NOL4L: variants seen among roughly 807,000 people sequenced by gnomAD.
NOL4L encodes the protein nucleolar protein 4-like.
NOL4L carries 7 observed loss-of-function variants against 64.5 expected under a neutral mutation model. The ratio of observed to expected loss-of-function variants is 0.11; its 90% CI spans 0.06 to 0.20. NOL4L has a LOEUF of 0.20. NOL4L is among the 10% of genes least tolerant of loss of function. The probability of loss-of-function intolerance (pLI) is 1.00; values close to 1 mark genes in which losing one functional copy is unlikely to be tolerated. For missense variants in NOL4L, 680 were observed against 967.1 expected (o/e 0.70, Z 3.94); for synonymous variants, 413 against 401.0 (o/e 1.03, Z -0.36).
At chr20:32,555,226 G>A (rs542610840) in intron 1 of NOL4L, among the ~76,000 whole-genome samples, 18 of 152,048 alleles carry the variant, frequency 1.2e-4, no homozygotes, top group Non-Finnish European at 2.1e-4. Flanking sequence ...TGTCTGTTAC[G>A]GCCTGAATTG....
chr20:32,528,445 A>G (rs1049527339), intron 1 of NOL4L, among the ~76,000 whole-genome samples: 1 of 152,074 alleles, frequency 6.6e-6, no homozygotes, highest in Non-Finnish European at 1.5e-5. Flanking sequence ...CCAGCAGCTG[A>G]GCGCCAGCAA....
chr20:32,460,424 C>T lies in NOL4L; in HGVS notation c.842-4029G>A, dbSNP rs1011327613. On this transcript the variant is annotated intron_variant, in intron 5 of 10. Transcript: ENST00000621426. This position sits in a 1 kb window ranked among gnomAD's most constrained non-coding sequence, Gnocchi z 5.7. ...AGCCCCCACCCCACACAGCTGCCCC[C>T]GCGCCACATGCTCTGGGGGCTGCCT... Among the ~76,000 whole-genome samples, 2 of 152,318 alleles carry T rather than the reference C, an allele frequency of 1.3e-5. No individual in the cohort carries two copies. The highest frequency in any genetic ancestry group is 2.1e-4 in the South Asian group (1 of 4,830).
chr20:32,455,582 G>A (rs1346490499), intron 6 of NOL4L, among the ~76,000 whole-genome samples: 2 of 152,196 alleles, frequency 1.3e-5, no homozygotes, highest in South Asian at 4.1e-4. Flanking sequence ...TGTGGGGGAG[G>A]CCCCAGGAAG....
intron 4 of NOL4L, among the ~76,000 whole-genome samples, chr20:32,498,709 G>A (rs2016792907): frequency 1.4e-5 from 2 of 145,236 alleles, no homozygotes; most frequent in South Asian, 4.4e-4. Flanking sequence ...GCTGCATTGA[G>A]CTGTGATTGC....
intron 5 of NOL4L, among the ~76,000 whole-genome samples, chr20:32,465,908 G>A (rs1250197832): frequency 6.6e-6 from 1 of 152,216 alleles, no homozygotes; most frequent in Non-Finnish European, 1.5e-5. Flanking sequence ...CTGGGCTGAG[G>A]GGTGGTGGCG....
At chr20:32,518,620 C>T (rs2017782439) in intron 3 of NOL4L, among the ~76,000 whole-genome samples, 1 of 152,232 alleles carries the variant, frequency 6.6e-6, no homozygotes. Context: ...CTCTTGGCTT[C>T]GCCTCTGTTC....
chr20:32,484,372 G>A (rs1032638356), intron 4 of NOL4L, among the ~76,000 whole-genome samples: 12 of 149,638 alleles, frequency 8.0e-5, no homozygotes, highest in Non-Finnish European at 1.6e-4. Flanking sequence ...CGAGCTCCTC[G>A]GCGCGCTGCC....
chr20:32,510,228 G>T (rs941008632), intron 4 of NOL4L: 3 of 353,654 alleles, frequency 8.5e-6, no homozygotes, highest in South Asian at 6.4e-5. Flanking sequence ...CTAGCAAACA[G>T]TTCTACCGCT....
In NOL4L at chr20:32,529,511, G is replaced by A. The variant is rs74376501; in HGVS notation, c.322-1598C>T. The stretch of plus-strand genomic sequence containing the variant: ...CAGGCCACACTGGGAGGTGACGCTC[G>A]CTCACAACACGTTCTGGCACAGACA... On this transcript the variant is annotated intron_variant, in intron 1 of 10. Transcript: ENST00000621426. Among the ~76,000 whole-genome samples, 82 of 152,214 alleles carry A rather than the reference G, an allele frequency of 5.4e-4. 1 individual carries two copies. In the East Asian group the frequency reaches 0.015, roughly 28 times the overall value.
intron 4 of NOL4L, among the ~76,000 whole-genome samples, chr20:32,478,596 A>AT (rs2015544436): frequency 6.6e-6 from 1 of 152,112 alleles, no homozygotes; most frequent in Non-Finnish European, 1.5e-5. Flanking sequence ...TAAGATTCTG[A>AT]TATCTTGACT....
At chr20:32,486,830 G>A (rs2016109241) in intron 4 of NOL4L, 1 of 465,356 alleles carries the variant, frequency 2.1e-6, no homozygotes, top group African/African-American at 2.0e-5. Context: ...CTTGAGCCAT[G>A]TGCTCCCCCA....
chr20:32,518,609 C>T (rs955708041), intron 3 of NOL4L, among the ~76,000 whole-genome samples: 3 of 152,258 alleles, frequency 2.0e-5, no homozygotes, highest in African/African-American at 7.2e-5. Flanking sequence ...AAATGGAGCC[C>T]CTCTTGGCTT....
chr20:32,485,729 A>G (rs563198271), intron 4 of NOL4L: 15 of 470,780 alleles, frequency 3.2e-5, no homozygotes, highest in South Asian at 2.0e-4. Context: ...CATCCAGGAA[A>G]TGTGTTTCCA....
rs1221340814 is a variant in NOL4L at position 32,452,159 on chromosome 20, T to G, written c.1822+77A>C. 5 of 1,320,774 alleles carry G rather than the reference T, an allele frequency of 3.8e-6. No homozygotes were observed. The African/African-American group carries it at 7.6e-5, about 20-fold the overall frequency. The allele number at this position is 1,320,774 out of a possible 1,614,324, so 81.8% of individuals were successfully genotyped here. A position where few individuals can be genotyped will look rare whatever the true frequency, so the allele number is the denominator to read the frequency against. ...CTGGCCTCTGCTTCCCTCTCCCCAT[T>G]CCGCTGCCCAGGGCTGCTCTGCAGA... On this transcript the variant is annotated intron_variant, in intron 10 of 10. Transcript: ENST00000621426.
Position 32,475,216 on chromosome 20 carries a change from T to C in NOL4L, c.700-474A>G, listed in dbSNP as rs965686004. ...AGCAGGCCTGGCGCCCTGACTCCCATGAAGCATGCATGGAATTCCTTTCTC... is the reference window on the plus strand; with the variant it reads ...AGCAGGCCTGGCGCCCTGACTCCCACGAAGCATGCATGGAATTCCTTTCTC... On this transcript the variant is annotated intron_variant, in intron 4 of 10. Coordinates refer to ENST00000621426, the MANE Select transcript of NOL4L (RefSeq NM_001256798.2). 4.1e-6 allele frequency: 4 copies of C among 985,310 alleles called. No individual in the cohort carries two copies. The African/African-American group carries it at 7.0e-5, about 17-fold the overall frequency. 61.0% of individuals were successfully genotyped at this position (985,310 alleles called of 1,614,324 possible). A position where few individuals can be genotyped will look rare whatever the true frequency, so the allele number is the denominator to read the frequency against.
chr20:32,466,577 A>T (rs1335922563), intron 5 of NOL4L, among the ~76,000 whole-genome samples: 2 of 132,674 alleles, frequency 1.5e-5, no homozygotes, highest in Non-Finnish European at 3.1e-5. Flanking sequence ...AGGGGAGGCC[A>T]GGAGGCCGCC....
rs1311687735 is a variant in NOL4L, at chr20:32,444,286, C to G, written c.*3310G>C. The G allele has an allele frequency of 4.6e-5, 7 of 152,168 alleles. No individual in the cohort carries two copies. The highest frequency in any genetic ancestry group is 2.9e-5 in the Non-Finnish European group (2 of 68,034). 9.4% of individuals were successfully genotyped at this position (152,168 alleles called of 1,614,324 possible). On this transcript the variant is annotated 3_prime_UTR_variant, in exon 11 of 11. Transcript: ENST00000621426. ...ACCACTAAATTATATAAAAATCAGACCATGGACGGATTGAAACTGGTATTC... is the reference window on the plus strand; with the variant it reads ...ACCACTAAATTATATAAAAATCAGAGCATGGACGGATTGAAACTGGTATTC...
At chr20:32,491,636 T>A (rs1405417905) in intron 4 of NOL4L, among the ~76,000 whole-genome samples, 2 of 152,058 alleles carry the variant, frequency 1.3e-5, no homozygotes, top group African/African-American at 2.4e-5. Flanking sequence ...GAGCTCAGAA[T>A]GAAGCGGGCC....
intron 1 of NOL4L, among the ~76,000 whole-genome samples, chr20:32,567,921 C>CCAT (rs140917640): frequency 1.1e-4 from 16 of 151,614 alleles, no homozygotes; most frequent in South Asian, 2.1e-4. Flanking sequence ...ATTACCACCA[C>CCAT]CATCATCATC....
Sources: allele counts gnomAD v4.1 joint callset (sites outside exome capture counted in the v4.1 genomes callset), GRCh38; gene constraint gnomAD v4.1.1; non-coding constraint Gnocchi (gnomAD v3.1); transcripts MANE v1.5; gene names NCBI Gene and HGNC (gene_info 2026-07-23, HGNC 2026-07-21).